The following NOX4 variants were observed in gnomAD, a reference collection of about 807,000 sequenced individuals.
NOX4 encodes NADPH oxidase 4, also known as kidney oxidase-1.
Under a neutral mutation model 87.6 loss-of-function variants are expected in NOX4, and 69 were observed. The ratio of observed to expected loss-of-function variants is 0.79; its 90% confidence interval spans 0.65 to 0.96. The LOEUF (loss-of-function observed/expected upper bound fraction) is 0.96. Among genes scored for constraint, NOX4 ranks in the 40% least tolerant of loss-of-function variants. The probability of loss-of-function intolerance (pLI) is 0.00; values close to 1 mark genes in which losing one functional copy is unlikely to be tolerated. For synonymous variants in NOX4, 275 were observed against 238.2 expected (o/e 1.15, Z -1.42); for missense variants, 680 against 681.5 (o/e 1.00, Z 0.02).
chr11:89,518,837 T>C, the NOX4 span, among the ~76,000 whole-genome samples: 2 of 152,180 alleles, frequency 1.3e-5, no homozygotes, highest in Middle Eastern at 3.4e-3. Context: ...ATATACTCTA[T>C]TTTTAAAAAT....
the NOX4 span, among the ~76,000 whole-genome samples, chr11:89,512,186 G>A: frequency 1.3e-5 from 2 of 152,046 alleles, no homozygotes; most frequent in East Asian, 3.9e-4. Flanking sequence ...ATATGCAAAC[G>A]CCCATGGAAC....
intron 2 of NOX4, among the ~76,000 whole-genome samples, chr11:89,474,500 T>C (rs2135452650): frequency 6.9e-6 from 1 of 144,774 alleles, no homozygotes; most frequent in East Asian, 2.0e-4. Context: ...TGTCCAACAA[T>C]TGAGAAATGC....
the NOX4 span, among the ~76,000 whole-genome samples, chr11:89,521,055 G>A: frequency 1.3e-5 from 2 of 152,006 alleles, no homozygotes; most frequent in African/African-American, 4.8e-5. Flanking sequence ...ACAAACAAAT[G>A]GAAAAACATT....
At chr11:89,348,789 G>T (rs1460213893) in intron 13 of NOX4, among the ~76,000 whole-genome samples, 1 of 151,852 alleles carries the variant, frequency 6.6e-6, no homozygotes, top group Non-Finnish European at 1.5e-5. Context: ...TAATTTGAGG[G>T]GCCAAACAAA....
chr11:89,518,268 C>A, the NOX4 span, among the ~76,000 whole-genome samples: 1 of 151,980 alleles, frequency 6.6e-6, no homozygotes, highest in South Asian at 2.1e-4. Context: ...CAGGAACAGA[C>A]CTTAATTCAT....
At chr11:89,485,755 T>C (rs1946564914) in intron 2 of NOX4, among the ~76,000 whole-genome samples, 2 of 152,160 alleles carry the variant, frequency 1.3e-5, no homozygotes, top group East Asian at 1.9e-4. Flanking sequence ...AAGGTTGCCA[T>C]GGGGGAGTGG....
At chr11:89,510,082 T>C in the NOX4 span, among the ~76,000 whole-genome samples, 2 of 152,048 alleles carry the variant, frequency 1.3e-5, no homozygotes, top group East Asian at 1.9e-4. Flanking sequence ...ATATTGGTTG[T>C]ATTATAAGGC....
At chr11:89,580,039 G>T in the NOX4 span, among the ~76,000 whole-genome samples, 3 of 152,088 alleles carry the variant, frequency 2.0e-5, no homozygotes, top group Non-Finnish European at 4.4e-5. Flanking sequence ...TGATCACGAG[G>T]ACTTTAAATG....
At chr11:89,474,458 C>CAAAAAAAAAA (rs67342388) in intron 2 of NOX4, among the ~76,000 whole-genome samples, 2 of 97,036 alleles carry the variant, frequency 2.1e-5, no homozygotes, top group Non-Finnish European at 4.5e-5. Flanking sequence ...TCTATAATAC[C>CAAAAAAAAAA]AAAAAAAAAA....
At position 89,449,506 on chromosome 11, in the gene NOX4, T is replaced by C. The variant is rs1310557380; in HGVS notation, c.283A>G (p.Arg95Gly). Reference protein sequence around the residue: ...GSQKVPSRRTRRLLDKSRTFH... With the variant: ...GSQKVPSRRTGRLLDKSRTFH... ...GTTCTGCTTTTATCCAACAATCTCC[T>C]GGTTCTCCTGCTTGGAACCTAAACA... The change falls in exon 4 of 18, where the codon AGG (arginine) becomes GGG (glycine). Residue 95 changes from arginine to glycine, a missense_variant. By Grantham distance (125) the Arg-to-Gly change is moderately radical. Transcript: ENST00000263317. 2.5e-6 allele frequency: 4 copies of C among 1,611,932 alleles called. No homozygotes were observed.
At chr11:89,538,337 C>A in the NOX4 span, among the ~76,000 whole-genome samples, 1 of 152,188 alleles carries the variant, frequency 6.6e-6, no homozygotes, top group African/African-American at 2.4e-5. Context: ...ATAGAAATCT[C>A]CACAATATGG....
At position 89,335,927 on chromosome 11, in the gene NOX4, A is replaced by G; in HGVS notation, c.1534T>C (p.Tyr512His). Residue 512 changes from tyrosine to histidine, a missense_variant, in exon 17 of 18, where the codon TAT (tyrosine) becomes CAT (histidine). Transcript: ENST00000263317. The part of the protein sequence containing the change: ...DGIQKIIGEK[Y>H]HALNSRLFIG... ...AACAGTCTTGAATTCAGTGCATGAT[A>G]TTTTTCTCCAATTATCTTCTGCCAA... 6.3e-7 allele frequency: 1 copy of G among 1,594,510 alleles called. No homozygotes were observed. The highest frequency in any genetic ancestry group is 8.5e-7 in the Non-Finnish European group (1 of 1,170,758).
the NOX4 span, among the ~76,000 whole-genome samples, chr11:89,515,634 C>T: frequency 6.6e-6 from 1 of 151,578 alleles, no homozygotes; most frequent in Non-Finnish European, 1.5e-5. Context: ...AAATATTTGC[C>T]TATACCAGGA....
At chr11:89,515,690 T>C in the NOX4 span, among the ~76,000 whole-genome samples, 9 of 152,006 alleles carry the variant, frequency 5.9e-5, no homozygotes, top group Non-Finnish European at 1.3e-4. Flanking sequence ...TTTTAGCATA[T>C]ATACTTAGGT....
intron 12 of NOX4, among the ~76,000 whole-genome samples, chr11:89,370,475 T>C (rs1323260092): frequency 6.6e-6 from 1 of 151,848 alleles, no homozygotes; most frequent in Admixed American, 6.6e-5. Flanking sequence ...TCTCAGACAT[T>C]AATCAATACT....
At chr11:89,345,257 G>C (rs981520635) in intron 13 of NOX4, among the ~76,000 whole-genome samples, 1 of 152,190 alleles carries the variant, frequency 6.6e-6, no homozygotes, top group Non-Finnish European at 1.5e-5. Flanking sequence ...TGATGTTGCT[G>C]ATAGAGCAGG....
At chr11:89,566,618 T>C in the NOX4 span, among the ~76,000 whole-genome samples, 1 of 152,202 alleles carries the variant, frequency 6.6e-6, no homozygotes, top group South Asian at 2.1e-4. Context: ...GGAGCCAAGA[T>C]GGCTAGCTAG....
chr11:89,438,842 T>C (rs1416364343), intron 6 of NOX4, among the ~76,000 whole-genome samples: 3 of 41,274 alleles, frequency 7.3e-5, no homozygotes, highest in African/African-American at 6.0e-4. Flanking sequence ...ATATATTATA[T>C]ATATTATATA....
At chr11:89,530,064 A>G in the NOX4 span, among the ~76,000 whole-genome samples, 1 of 152,134 alleles carries the variant, frequency 6.6e-6, no homozygotes. Flanking sequence ...AGTAGTTATT[A>G]AAAGTAAAAA....
Sources: gnomAD v4.1 joint callset for allele counts (sites outside exome capture counted in the v4.1 genomes callset) on GRCh38, gnomAD v4.1.1 for gene constraint, MANE v1.5 for transcripts, NCBI Gene and HGNC (gene_info 2026-07-23, HGNC 2026-07-21) for gene names.